The following ARIH1 variants were observed in gnomAD, a reference collection of about 807,000 sequenced individuals.
ARIH1 encodes the protein E3 ubiquitin-protein ligase ARIH1.
In ARIH1, 8 loss-of-function variants were observed where a neutral mutation model predicts 85.0. The observed-to-expected ratio is 0.09, with a 90% confidence interval of 0.06 to 0.17. The LOEUF is 0.17. Ranked by LOEUF, ARIH1 falls within the 10% of genes least tolerant of loss-of-function variation. The pLI is 1.00. For synonymous variants in ARIH1, 238 were observed against 253.6 expected (o/e 0.94, Z 0.59); for missense variants, 311 against 718.1 (o/e 0.43, Z 6.48).
In ARIH1 at chr15:72,566,566, T is replaced by C; in HGVS notation, c.915T>C (p.Phe305=). The C allele has an allele frequency of 1.9e-6, 3 of 1,612,630 alleles. No homozygotes were observed. Among genetic ancestry groups the C allele is most frequent in the Non-Finnish European group, 1.7e-6 (2 of 1,179,184 alleles). Residue 305 remains phenylalanine (F), a synonymous_variant, in exon 8 of 14, where the codon TTT becomes TTC. Coordinates refer to ENST00000379887, the MANE Select transcript of ARIH1 (RefSeq NM_005744.5). ...AACTCTTTGTGTCACTTAACAGCTT[T>C]AACTGTGGAGAAAATTGGCATGATC... is the stretch of plus-strand genomic sequence containing the variant. ...VRCKCGRQFC[F]NCGENWHDPV...
intron 11 of ARIH1, among the ~76,000 whole-genome samples, chr15:72,575,920 T>C (rs2064268924): frequency 6.6e-6 from 1 of 152,172 alleles, no homozygotes; most frequent in Admixed American, 6.5e-5. Context: ...CATAGCTCAC[T>C]GTAGCCTTGA....
Position 72,597,385 on chromosome 15 carries a change from A to G in ARIH1, c.*14093A>G, listed in dbSNP as rs916154593. ...CTTCATAGCTAAGCCACCAGCTTTT[A>G]TCAATGTGGGAGATCTTTCCCTACT... On this transcript the variant is annotated 3_prime_UTR_variant, in exon 14 of 14. Transcript: ENST00000379887. 1.3e-5 allele frequency: 2 copies of G among 152,104 alleles called. No homozygotes were observed. Among genetic ancestry groups the G allele is most frequent in the African/African-American group, 4.8e-5 (2 of 41,414 alleles). The allele number at this position is 152,104 out of a possible 1,614,324, so 9.4% of individuals were successfully genotyped here.
In ARIH1 at chr15:72,476,860, C is replaced by T. The variant is rs757652476; in HGVS notation, c.375+1846C>T. 1.4e-4 allele frequency among the ~76,000 whole-genome samples: 22 copies of T among 152,146 alleles called. 1 individual carries two copies. The highest frequency in any genetic ancestry group is 3.2e-4 in the Non-Finnish European group (22 of 68,016). On this transcript the variant is annotated intron_variant, in intron 1 of 13. Transcript: ENST00000379887. ...TCTGTTTGTGTTTTCAGTGGAAAAA[C>T]ATTACAGAAATACTCTGAACAACCT...
In ARIH1 at chr15:72,594,725, C is replaced by T. The variant is rs1313328299; in HGVS notation, c.*11433C>T. The T allele has an allele frequency of 2.6e-5, 4 of 151,198 alleles. No individual in the cohort carries two copies. The highest frequency in any genetic ancestry group is 2.1e-4 in the South Asian group (1 of 4,798). The allele number at this position is 151,198 out of a possible 1,614,324, so 9.4% of individuals were successfully genotyped here. A position where few individuals can be genotyped will look rare whatever the true frequency, so the allele number is the denominator to read the frequency against. On this transcript the variant is annotated 3_prime_UTR_variant, in exon 14 of 14. Transcript: ENST00000379887. ...TTCTAGAAATAGTTCTTGTAGACTC[C>T]GTAGAGTTTTATATTAAATAGATAC...
At position 72,567,294 on chromosome 15, in the gene ARIH1, T is replaced by TGA. The variant is rs200077912; in HGVS notation, c.1026+119_1026+120dup. The TGA allele has an allele frequency of 6.2e-3, 4,642 of 746,532 alleles. 108 individuals are homozygous for TGA. Among genetic ancestry groups the TGA allele is most frequent in the Admixed American group, 0.058 (1,923 of 32,950 alleles). The allele number at this position is 746,532 out of a possible 1,614,324, so 46.2% of individuals were successfully genotyped here. A position where few individuals can be genotyped will look rare whatever the true frequency, so the allele number is the denominator to read the frequency against. On this transcript the variant is annotated intron_variant, in intron 9 of 13. Coordinates refer to ENST00000379887, the MANE Select transcript of ARIH1 (RefSeq NM_005744.5). ...GGCTTTGTTTCATCTTTTTCTCCAT[T>TGA]GAGTCTTTTTTTTTTTTTCCCAGAA...
rs1368103840 is a variant in ARIH1 at position 72,593,098 on chromosome 15, TA to T, written c.*9807del. 3 of 152,232 alleles carry T rather than the reference TA, an allele frequency of 2.0e-5. No homozygotes were observed. Among genetic ancestry groups the T allele is most frequent in the Non-Finnish European group, 4.4e-5 (3 of 68,018 alleles). The allele number at this position is 152,232 out of a possible 1,614,324, so 9.4% of individuals were successfully genotyped here. ...TTTACACTGTCACTGTTTTTTATATTAGCCATTTTAGCATATATGAAATAAC... is the reference window on the plus strand; with the variant it reads ...TTTACACTGTCACTGTTTTTTATATTGCCATTTTAGCATATATGAAATAAC... On this transcript the variant is annotated 3_prime_UTR_variant, in exon 14 of 14. Transcript: ENST00000379887.
chr15:72,489,396 G>T (rs541587981), intron 1 of ARIH1, among the ~76,000 whole-genome samples: 1 of 152,170 alleles, frequency 6.6e-6, no homozygotes, highest in South Asian at 2.1e-4. Context: ...ATGTTGCAGG[G>T]CAATGAGGAG....
chr15:72,520,852 T>C, intron 2 of ARIH1, among the ~76,000 whole-genome samples: 1 of 152,044 alleles, frequency 6.6e-6, no homozygotes. Context: ...TTTTTTTTTC[T>C]TTTCTTTTTG....
intron 2 of ARIH1, among the ~76,000 whole-genome samples, chr15:72,541,773 T>C (rs947547725): frequency 6.6e-6 from 1 of 152,188 alleles, no homozygotes; most frequent in African/African-American, 2.4e-5. Context: ...AAGAAGAAAC[T>C]AAGTGCTTGT....
rs1299065864 is a variant in ARIH1 at position 72,589,047 on chromosome 15, A to G, written c.*5755A>G. On this transcript the variant is annotated 3_prime_UTR_variant, in exon 14 of 14. Coordinates refer to ENST00000379887, the MANE Select transcript of ARIH1 (RefSeq NM_005744.5). ...AGTAGTAAGAATATTGGTATTTCTC[A>G]GCCATAGATTTCCCTTTTGTAAAAT... The G allele has an allele frequency of 1.3e-5, 2 of 152,198 alleles. No homozygotes were observed. The highest frequency in any genetic ancestry group is 2.9e-5 in the Non-Finnish European group (2 of 68,040). 9.4% of individuals were successfully genotyped at this position (152,198 alleles called of 1,614,324 possible).
intron 5 of ARIH1, among the ~76,000 whole-genome samples, chr15:72,561,030 A>G (rs1352055348): frequency 2.0e-5 from 3 of 152,208 alleles, no homozygotes; most frequent in African/African-American, 2.4e-5. Context: ...AGCTTTAGGT[A>G]TCACAAAACC....
rs1222875430 is a variant in ARIH1, at chr15:72,572,209, G to GT, written c.1215+46dup. ...GGACAATAGTTGACTAAGAATGCACGTTGTATATTCATATTCATTAGAGAA... is the reference window on the plus strand; with the variant it reads ...GGACAATAGTTGACTAAGAATGCACGTTTGTATATTCATATTCATTAGAGAA... On this transcript the variant is annotated intron_variant, in intron 11 of 13. Transcript: ENST00000379887. 2.3e-6 allele frequency: 3 copies of GT among 1,285,722 alleles called. No homozygotes were observed. In the African/African-American group the frequency reaches 4.5e-5, roughly 19 times the overall value. The allele number at this position is 1,285,722 out of a possible 1,614,324, so 79.6% of individuals were successfully genotyped here. A position where few individuals can be genotyped will look rare whatever the true frequency, so the allele number is the denominator to read the frequency against.
chr15:72,547,239 T>TCTCC (rs1325792642), intron 3 of ARIH1, among the ~76,000 whole-genome samples: 1 of 149,306 alleles, frequency 6.7e-6, no homozygotes, highest in Non-Finnish European at 1.5e-5. Flanking sequence ...TTTCCTTTTC[T>TCTCC]CTTTTTTTTT....
At chr15:72,509,898 C>G (rs2063942369) in intron 1 of ARIH1, among the ~76,000 whole-genome samples, 1 of 151,356 alleles carries the variant, frequency 6.6e-6, no homozygotes, top group Non-Finnish European at 1.5e-5. Context: ...TCCAGCCCCA[C>G]CTTTTTTTTT....
At chr15:72,499,778 C>T (rs2063895121) in intron 1 of ARIH1, among the ~76,000 whole-genome samples, 4 of 152,172 alleles carry the variant, frequency 2.6e-5, no homozygotes, top group Admixed American at 2.6e-4. Flanking sequence ...CTGTAAGCCT[C>T]TTACATATAG....
At chr15:72,520,478 G>GAA (rs901133668) in intron 2 of ARIH1, among the ~76,000 whole-genome samples, 7 of 151,390 alleles carry the variant, frequency 4.6e-5, no homozygotes, top group Admixed American at 4.6e-4. Context: ...AAATCTGAAT[G>GAA]AAAAAACTAT....
At position 72,499,346 on chromosome 15, in the gene ARIH1, C is replaced by T. The variant is rs2063893550; in HGVS notation, c.376-18721C>T. On this transcript the variant is annotated intron_variant, in intron 1 of 13. Coordinates refer to ENST00000379887, the MANE Select transcript of ARIH1 (RefSeq NM_005744.5). The stretch of plus-strand genomic sequence containing the variant: ...TAAGAAAAAAAAAAAGCAATACATG[C>T]ATGTGGTAACAAATGTAAATGTTAT... 2.0e-5 allele frequency among the ~76,000 whole-genome samples: 3 copies of T among 152,158 alleles called. No homozygotes were observed. In the South Asian group the frequency reaches 6.2e-4, roughly 32 times the overall value.
At position 72,594,420 on chromosome 15, in the gene ARIH1, G is replaced by A. The variant is rs1254621565; in HGVS notation, c.*11128G>A. On this transcript the variant is annotated 3_prime_UTR_variant, in exon 14 of 14. Coordinates refer to ENST00000379887, the MANE Select transcript of ARIH1 (RefSeq NM_005744.5). ...CCTGACCTCGTGATCCAACCACCTT[G>A]GCCTCCCAAAGTGCTGCCATTACAG... 1.3e-5 allele frequency: 2 copies of A among 152,008 alleles called. No individual in the cohort carries two copies. Among genetic ancestry groups the A allele is most frequent in the Non-Finnish European group, 2.9e-5 (2 of 68,012 alleles). 9.4% of individuals were successfully genotyped at this position (152,008 alleles called of 1,614,324 possible). A position where few individuals can be genotyped will look rare whatever the true frequency, so the allele number is the denominator to read the frequency against.
chr15:72,586,950 A>G lies in ARIH1; in HGVS notation c.*3658A>G, dbSNP rs556416658. 4 of 329,662 alleles carry G rather than the reference A, an allele frequency of 1.2e-5. No homozygotes were observed. Among genetic ancestry groups the G allele is most frequent in the Admixed American group, 4.6e-5 (1 of 21,726 alleles). The allele number at this position is 329,662 out of a possible 1,614,324, so 20.4% of individuals were successfully genotyped here. ...ACTCTTAAAGCTGATACTGTTATATAGGGATGAAGGGAGAGTTTTCTTAAA... is the reference window on the plus strand; with the variant it reads ...ACTCTTAAAGCTGATACTGTTATATGGGGATGAAGGGAGAGTTTTCTTAAA... On this transcript the variant is annotated 3_prime_UTR_variant, in exon 14 of 14. Coordinates refer to ENST00000379887, the MANE Select transcript of ARIH1 (RefSeq NM_005744.5).
Sources: gnomAD v4.1 joint callset for allele counts (sites outside exome capture counted in the v4.1 genomes callset) on GRCh38, gnomAD v4.1.1 for gene constraint, MANE v1.5 for transcripts, NCBI Gene and HGNC (gene_info 2026-07-23, HGNC 2026-07-21) for gene names.